IL17F: variants seen among roughly 807,000 people sequenced by gnomAD.
The protein encoded by IL17F is interleukin 17F.
IL17F carries 6 observed loss-of-function variants against 8.3 expected under a neutral mutation model. That is an observed-to-expected ratio of 0.73 (90% CI 0.40 to 1.43). The LOEUF (loss-of-function observed/expected upper bound fraction) is 1.43. IL17F is among the 40% of genes most tolerant of loss of function. IL17F has a pLI of 0.02. For missense variants in IL17F, 204 were observed against 209.6 expected, an observed-to-expected ratio of 0.97 and a Z score of 0.17; for synonymous variants, 98 against 81.6, an observed-to-expected ratio of 1.20 and a Z score of -1.08.
chr6:52,239,268 C>A (rs1471968820), intron 1 of IL17F: 7 of 357,564 alleles, frequency 2.0e-5, no homozygotes, highest in Non-Finnish European at 3.1e-5. Flanking sequence ...CCTCTAGTTT[C>A]TCTTCCTTCC....
chr6:52,244,516 C>G (rs528536575), upstream of IL17F: 1 of 1,287,468 alleles, frequency 7.8e-7, no homozygotes, highest in South Asian at 1.2e-5. Flanking sequence ...ATGAGAGTAC[C>G]TGTTAGTTTT....
At chr6:52,238,986 T>A (rs1764020624) in intron 1 of IL17F, 36 bp from the exon 2 acceptor site, 1 of 1,562,172 alleles carries the variant, frequency 6.4e-7, no homozygotes, top group African/African-American at 1.4e-5. Context: ...AGTTAGAGAC[T>A]CGCCTCACCT....
Position 52,238,751 on chromosome 6 carries a change from G to A in IL17F, c.233C>T (p.Ser78Phe). ...TTACGTGTAATTCCAGGGGGAGGTG[G>A]AGCGGCTCTCGATGTTACGTGACAT... ...VSMSRNIESR[S>F]TSPWNYTVTW... Residue 78 changes from serine to phenylalanine, a missense_variant, in exon 2 of 3, where the codon TCC (serine) becomes TTC (phenylalanine). Transcript: ENST00000336123. The A allele has an allele frequency of 6.2e-7, 1 of 1,614,082 alleles. No homozygotes were observed. Among genetic ancestry groups the A allele is most frequent in the Non-Finnish European group, 8.5e-7 (1 of 1,179,966 alleles).
upstream of IL17F, among the ~76,000 whole-genome samples, chr6:52,245,602 C>G (rs922663813): frequency 6.6e-6 from 1 of 152,218 alleles, no homozygotes; most frequent in African/African-American, 2.4e-5. Context: ...CCTCCCAGCA[C>G]AGGGATGAGT....
At chr6:52,241,755 A>T (rs1764078377) in intron 1 of IL17F, among the ~76,000 whole-genome samples, 1 of 152,262 alleles carries the variant, frequency 6.6e-6, no homozygotes, top group Admixed American at 6.5e-5. Context: ...GTTCTGTCCC[A>T]GAGGGAATAA....
chr6:52,237,077 T>A lies in IL17F; in HGVS notation c.346A>T (p.Ile116Phe). ...GCINAQGKED[I>F]SMNSVPIQQE... ...TGGATGGGAACGGAATTCATGGAGATGTCTTCCTTTCCTTGAGCATTGATG... is the reference window on the plus strand; with the variant it reads ...TGGATGGGAACGGAATTCATGGAGAAGTCTTCCTTTCCTTGAGCATTGATG... Residue 116 changes from isoleucine to phenylalanine, a missense_variant, in exon 3 of 3, where the codon ATC becomes TTC. Ile to Phe is a conservative substitution (Grantham distance 21). Coordinates refer to ENST00000336123, the MANE Select transcript of IL17F (RefSeq NM_052872.4). 6.2e-7 allele frequency: 1 copy of A among 1,614,234 alleles called. No individual in the cohort carries two copies. Among genetic ancestry groups the A allele is most frequent in the Non-Finnish European group, 8.5e-7 (1 of 1,180,038 alleles).
Position 52,236,852 on chromosome 6 carries a change from G to A in IL17F, c.*79C>T. ...TCCTGTGAAGTGGAGGGAATTGGGG[G>A]TCAGACAGGACTTGTTGCAGAGCAC... On this transcript the variant is annotated 3_prime_UTR_variant, in exon 3 of 3. Coordinates refer to ENST00000336123, the MANE Select transcript of IL17F (RefSeq NM_052872.4). The A allele has an allele frequency of 3.6e-6, 4 of 1,106,520 alleles. No individual in the cohort carries two copies. Among genetic ancestry groups the A allele is most frequent in the Non-Finnish European group, 5.6e-6 (4 of 718,116 alleles). 68.5% of individuals were successfully genotyped at this position (1,106,520 alleles called of 1,614,324 possible). A position where few individuals can be genotyped will look rare whatever the true frequency, so the allele number is the denominator to read the frequency against.
intron 1 of IL17F, among the ~76,000 whole-genome samples, chr6:52,242,953 G>A (rs751371872): frequency 8.5e-5 from 13 of 152,084 alleles, no homozygotes; most frequent in Non-Finnish European, 1.6e-4. Flanking sequence ...CCCAATAAAT[G>A]CCATGAGAAA....
intron 1 of IL17F, 104 bp downstream of exon 1, chr6:52,244,293 A>G: frequency 9.3e-7 from 1 of 1,076,584 alleles, no homozygotes; most frequent in Non-Finnish European, 1.5e-6. Context: ...GTTTTTTAAG[A>G]AGTAATTCCA....
At chr6:52,238,209 G>A (rs1356730442) in intron 2 of IL17F, among the ~76,000 whole-genome samples, 1 of 152,218 alleles carries the variant, frequency 6.6e-6, no homozygotes, top group Non-Finnish European at 1.5e-5. Context: ...TACATTTGGA[G>A]AGTATGAGGG....
rs1764126998 is a variant in IL17F, at chr6:52,244,438, G to A, written c.-9C>T. Reference sequence around the variant, plus strand: ...AGGGTCTTCACTGTCATGTTGCGCTGGTGGCTTACTTTGTGCAGGAAGCTC... The same window carrying A: ...AGGGTCTTCACTGTCATGTTGCGCTAGTGGCTTACTTTGTGCAGGAAGCTC... On this transcript the variant is annotated 5_prime_UTR_variant, in exon 1 of 3. Coordinates refer to ENST00000336123, the MANE Select transcript of IL17F (RefSeq NM_052872.4). The A allele has an allele frequency of 3.7e-6, 6 of 1,613,942 alleles. No homozygotes were observed. In the East Asian group the frequency reaches 1.3e-4, roughly 36 times the overall value.
intron 2 of IL17F, among the ~76,000 whole-genome samples, chr6:52,238,110 C>T (rs1764001961): frequency 6.6e-6 from 1 of 152,230 alleles, no homozygotes; most frequent in Admixed American, 6.5e-5. Context: ...GCACTACCGT[C>T]CCAAGGTTTT....
upstream of IL17F, among the ~76,000 whole-genome samples, chr6:52,244,705 C>G (rs1378752527): frequency 6.6e-6 from 1 of 152,078 alleles, no homozygotes; most frequent in African/African-American, 2.4e-5. Flanking sequence ...TTCCTTCTAC[C>G]CTACTTCCAC....
intron 1 of IL17F, among the ~76,000 whole-genome samples, chr6:52,242,627 G>A (rs556946566): frequency 7.2e-5 from 11 of 152,350 alleles, no homozygotes; most frequent in African/African-American, 2.2e-4. Context: ...CATACTGTAT[G>A]TGGAGACAGA....
chr6:52,237,552 G>T (rs1271819470), intron 2 of IL17F, among the ~76,000 whole-genome samples: 1 of 151,858 alleles, frequency 6.6e-6, no homozygotes, highest in East Asian at 1.9e-4. Flanking sequence ...AACGTCACTA[G>T]TCAGTCTTCC....
chr6:52,240,812 T>C lies in IL17F; in HGVS notation c.34-1862A>G, dbSNP rs74682679. Among the ~76,000 whole-genome samples the C allele has an allele frequency of 9.3e-3, 1,412 of 151,746 alleles. 10 individuals carry two copies. Among genetic ancestry groups the C allele is most frequent in the South Asian group, 0.036 (174 of 4,792 alleles). On this transcript the variant is annotated intron_variant, in intron 1 of 2. Transcript: ENST00000336123. ...CTTTACAGTGTGGTAGCTCAGGGCA[T>C]GGGCTTCAGAGTCAGAAGTCCAGGG... is the stretch of plus-strand genomic sequence containing the variant.
chr6:52,244,376 A>T, intron 1 of IL17F, 21 bp downstream of exon 1: 1 of 1,612,468 alleles, frequency 6.2e-7, no homozygotes, highest in Non-Finnish European at 8.5e-7. Flanking sequence ...TCCTTAAACC[A>T]GAATGATTGC....
At chr6:52,244,370 T>C (rs1377797200) in intron 1 of IL17F, 27 bp downstream of exon 1, 1 of 1,611,138 alleles carries the variant, frequency 6.2e-7, no homozygotes, top group Admixed American at 1.7e-5. Flanking sequence ...TGACAGTCCT[T>C]AAACCAGAAT....
chr6:52,243,214 G>C (rs1764102418), intron 1 of IL17F, among the ~76,000 whole-genome samples: 1 of 152,248 alleles, frequency 6.6e-6, no homozygotes, highest in East Asian at 1.9e-4. Flanking sequence ...AAGTTGTATG[G>C]CTTGTAAAAG....
Sources: allele counts gnomAD v4.1 joint callset (sites outside exome capture counted in the v4.1 genomes callset), GRCh38; gene constraint gnomAD v4.1.1; transcripts MANE v1.5; gene names NCBI Gene and HGNC (gene_info 2026-07-23, HGNC 2026-07-21).